HADH: variants seen among roughly 807,000 people sequenced by gnomAD.
HADH encodes hydroxyacyl-CoA dehydrogenase.
HADH carries 24 observed loss-of-function variants against 32.2 expected under a neutral mutation model. The observed-to-expected ratio is 0.75, with a 90% CI of 0.54 to 1.05. The LOEUF (loss-of-function observed/expected upper bound fraction) is 1.05. Ranked by LOEUF, HADH falls within the 50% of genes least tolerant of loss-of-function variation. The pLI is 0.00. For missense variants in HADH, 350 were observed against 397.1 expected (o/e 0.88, Z 1.01); for synonymous variants, 139 against 152.5 (o/e 0.91, Z 0.65).
Position 108,014,448 on chromosome 4 carries a change from G to A in HADH, c.279G>A (p.Val93=). ...AENLKAGDEF[V]EKTLSTIATS... ...TGCATTAGGCCGGCGATGAATTTGT[G>A]GAGAAGACCCTGAGCACCATAGCGA... Residue 93 remains valine (V), a synonymous_variant, in exon 3 of 8, where the codon GTG becomes GTA. Transcript: ENST00000309522. 6.2e-7 allele frequency: 1 copy of A among 1,614,102 alleles called. No homozygotes were observed. The highest frequency in any genetic ancestry group is 8.5e-7 in the Non-Finnish European group (1 of 1,180,006).
intron 1 of HADH, chr4:108,004,428 CCT>C: frequency 3.0e-6 from 1 of 332,880 alleles, no homozygotes; most frequent in Non-Finnish European, 5.9e-6. Flanking sequence ...CATTTTCTAA[CCT>C]CTGCATTTTT....
chr4:107,998,349 G>T (rs763136307), intron 1 of HADH, among the ~76,000 whole-genome samples: 2 of 152,146 alleles, frequency 1.3e-5, no homozygotes, highest in Non-Finnish European at 2.9e-5. Context: ...GCGTGATCTT[G>T]GCTCACTGCA....
At chr4:108,014,325 C>T (rs947855726) in intron 2 of HADH, 106 bp from the exon 3 acceptor site, 96 of 1,201,434 alleles carry the variant, frequency 8.0e-5, no homozygotes, top group Non-Finnish European at 1.1e-4. Flanking sequence ...TAGGCCAATA[C>T]AGGTGCTCTG....
At chr4:107,992,136 G>A (rs552447348) in intron 1 of HADH, among the ~76,000 whole-genome samples, 2 of 152,306 alleles carry the variant, frequency 1.3e-5, no homozygotes, top group South Asian at 2.1e-4. Context: ...GAGAACACAG[G>A]CTTGTGCTTG....
chr4:108,034,654 G>T lies in HADH; in HGVS notation c.*297G>T, dbSNP rs908501424. The T allele has an allele frequency of 2.7e-6, 1 of 370,864 alleles. No homozygotes were observed. The highest frequency in any genetic ancestry group is 3.7e-5 in the Admixed American group (1 of 27,110). The allele number at this position is 370,864 out of a possible 1,614,324, so 23.0% of individuals were successfully genotyped here. On this transcript the variant is annotated 3_prime_UTR_variant, in exon 8 of 8. Coordinates refer to ENST00000309522, the MANE Select transcript of HADH (RefSeq NM_005327.7). ...TTTTGAACCTTGTCATTTTTGTGAA[G>T]AATTGCCTAGATTCCTTCTCTCATC...
intron 1 of HADH, among the ~76,000 whole-genome samples, chr4:108,003,105 C>CTTTTTTT (rs11390276): frequency 2.4e-5 from 3 of 124,206 alleles, no homozygotes; most frequent in Admixed American, 1.7e-4. Context: ...GTGTCTTAGT[C>CTTTTTTT]TTTTTTTTTT....
chr4:107,999,290 G>T (rs1735044827), intron 1 of HADH, among the ~76,000 whole-genome samples: 1 of 152,210 alleles, frequency 6.6e-6, no homozygotes, highest in African/African-American at 2.4e-5. Context: ...CACAGGGCTG[G>T]ATACCACTTA....
At chr4:107,991,926 G>C (rs1161237067) in intron 1 of HADH, among the ~76,000 whole-genome samples, 1 of 152,174 alleles carries the variant, frequency 6.6e-6, no homozygotes, top group African/African-American at 2.4e-5. Flanking sequence ...AGTGGAAAAA[G>C]ATTAGAAACT....
At chr4:108,004,951 A>T (rs1459476475) in intron 1 of HADH, 12 of 1,468,238 alleles carry the variant, frequency 8.2e-6, no homozygotes, top group Non-Finnish European at 1.1e-5. Context: ...TCAGGATGTT[A>T]TGTGGTACTA....
chr4:108,033,381 G>T, intron 7 of HADH, 89 bp downstream of exon 7: 3 of 792,724 alleles, frequency 3.8e-6, no homozygotes, highest in South Asian at 2.7e-5. Context: ...GTTAGCAGGG[G>T]TCTTAATAAA....
intron 5 of HADH, chr4:108,026,820 T>A (rs916258508): frequency 1.3e-5 from 2 of 152,248 alleles, no homozygotes; most frequent in East Asian, 3.8e-4. Flanking sequence ...GAGGCACCAT[T>A]TGCCTAGTGG....
intron 2 of HADH, among the ~76,000 whole-genome samples, chr4:108,011,302 TA>T (rs1476665639): frequency 1.1e-4 from 16 of 152,196 alleles, no homozygotes; most frequent in Admixed American, 9.8e-4. Flanking sequence ...GGGTAATTTA[TA>T]AAGGAAAGAG....
intron 5 of HADH, 22 bp from the exon 6 acceptor site, chr4:108,027,660 TTTTTTG>T (rs760126093): frequency 6.9e-7 from 1 of 1,447,764 alleles, no homozygotes; most frequent in South Asian, 1.1e-5. Context: ...AATTTACTAG[TTTTTTG>T]TTTTTCTGTC....
At chr4:108,029,286 T>C (rs1736174518) in intron 6 of HADH, 1 of 177,102 alleles carries the variant, frequency 5.6e-6, no homozygotes, top group Non-Finnish European at 1.2e-5. Flanking sequence ...GGAGGCTCCT[T>C]CTCGTCTGCC....
intron 1 of HADH, among the ~76,000 whole-genome samples, chr4:107,996,736 A>T (rs948833158): frequency 1.1e-4 from 17 of 152,144 alleles, no homozygotes; most frequent in Non-Finnish European, 2.2e-4. Context: ...TCTACTAAAA[A>T]TACAAAAATT....
At chr4:108,034,180 C>G in intron 7 of HADH, 59 bp from the exon 8 acceptor site, 1 of 1,165,614 alleles carries the variant, frequency 8.6e-7, no homozygotes, top group Non-Finnish European at 1.3e-6. Flanking sequence ...CTTGGAAATG[C>G]CAAGATGTAA....
At chr4:108,032,965 G>A (rs912333257) in intron 6 of HADH, 1 of 555,864 alleles carries the variant, frequency 1.8e-6, no homozygotes, top group Admixed American at 2.8e-5. Context: ...TTGGGTGACA[G>A]AGCAAGACTC....
chr4:108,003,165 A>C (rs1735172727), intron 1 of HADH, among the ~76,000 whole-genome samples: 1 of 151,186 alleles, frequency 6.6e-6, no homozygotes, highest in South Asian at 2.1e-4. Flanking sequence ...TAATTTATAA[A>C]GAACAGAAAT....
chr4:107,994,566 CTTGCA>C (rs1734901223), intron 1 of HADH, among the ~76,000 whole-genome samples: 1 of 152,136 alleles, frequency 6.6e-6, no homozygotes, highest in South Asian at 2.1e-4. Context: ...TACTGCTTTG[CTTGCA>C]AAGCAGTACA....
Sources: gnomAD v4.1 joint callset for allele counts (sites outside exome capture counted in the v4.1 genomes callset) on GRCh38, gnomAD v4.1.1 for gene constraint, MANE v1.5 for transcripts, NCBI Gene and HGNC (gene_info 2026-07-23, HGNC 2026-07-21) for gene names.